The following GLRA3 variants were observed in gnomAD, a reference collection of about 807,000 sequenced individuals.
GLRA3 encodes the protein glycine receptor alpha 3.
In GLRA3, 44 loss-of-function variants were observed where a neutral mutation model predicts 60.4. That is an observed-to-expected ratio of 0.73 (90% CI 0.57 to 0.94). The LOEUF is 0.94. Among genes scored for constraint, GLRA3 ranks in the 40% least tolerant of loss-of-function variants. GLRA3 has a pLI of 0.00. For synonymous variants in GLRA3, 223 were observed against 192.9 expected (o/e 1.16, Z -1.29); for missense variants, 508 against 564.6 (o/e 0.90, Z 1.02).
At chr4:174,824,985 G>A (rs1333142519) in intron 1 of GLRA3, among the ~76,000 whole-genome samples, 1 of 152,044 alleles carries the variant, frequency 6.6e-6, no homozygotes, top group Non-Finnish European at 1.5e-5. Context: ...ACTTGCCTCA[G>A]TACACAGTTG....
chr4:174,763,128 A>C (rs1561102456), intron 3 of GLRA3, among the ~76,000 whole-genome samples: 3 of 152,192 alleles, frequency 2.0e-5, no homozygotes, highest in Non-Finnish European at 4.4e-5. Context: ...GGGTTATTAC[A>C]GTCATACCCA....
Position 174,642,298 on chromosome 4 carries a change from G to A in GLRA3, c.*1488C>T. The A allele has an allele frequency of 1.0e-6, 1 of 956,436 alleles. No homozygotes were observed. Among genetic ancestry groups the A allele is most frequent in the Non-Finnish European group, 1.2e-6 (1 of 804,938 alleles). 59.2% of individuals were successfully genotyped at this position (956,436 alleles called of 1,614,324 possible). A position where few individuals can be genotyped will look rare whatever the true frequency, so the allele number is the denominator to read the frequency against. On this transcript the variant is annotated 3_prime_UTR_variant, in exon 10 of 10. Coordinates refer to ENST00000274093, the MANE Select transcript of GLRA3 (RefSeq NM_006529.4). ...AAAATAGCATCTTGTTAAAGAACTG[G>A]CTTTTCTATTGTACATCTGAGTTCA...
chr4:174,773,648 G>A (rs532455782), intron 2 of GLRA3, among the ~76,000 whole-genome samples: 15 of 152,078 alleles, frequency 9.9e-5, no homozygotes, highest in African/African-American at 2.7e-4. Flanking sequence ...AAGGAGAGAC[G>A]TTATTTTATT....
chr4:174,816,486 G>A (rs549092574), intron 1 of GLRA3, among the ~76,000 whole-genome samples: 7 of 152,192 alleles, frequency 4.6e-5, no homozygotes, highest in East Asian at 3.9e-4. Context: ...CTTAACTCAC[G>A]ATACTTGTCC....
At chr4:174,780,172 G>T in intron 2 of GLRA3, among the ~76,000 whole-genome samples, 1 of 144,852 alleles carries the variant, frequency 6.9e-6, no homozygotes, top group Non-Finnish European at 1.5e-5. Flanking sequence ...CATTCTTAAA[G>T]AAAAGAATTT....
At chr4:174,783,301 C>T (rs558050649) in intron 2 of GLRA3, among the ~76,000 whole-genome samples, 1 of 139,960 alleles carries the variant, frequency 7.1e-6, no homozygotes, top group African/African-American at 2.6e-5. Context: ...TTCCTTACAC[C>T]TTATACAAAA....
At chr4:174,804,903 T>C (rs1459879901) in intron 1 of GLRA3, among the ~76,000 whole-genome samples, 2 of 152,196 alleles carry the variant, frequency 1.3e-5, no homozygotes, top group Non-Finnish European at 2.9e-5. Flanking sequence ...ATCTTTATTA[T>C]GCAGATGGCT....
At chr4:174,710,051 A>T (rs1579486305) in intron 5 of GLRA3, among the ~76,000 whole-genome samples, 1 of 151,836 alleles carries the variant, frequency 6.6e-6, no homozygotes, top group Admixed American at 6.6e-5. Context: ...TCTAGGAAAC[A>T]TATTGTTAAA....
intron 1 of GLRA3, among the ~76,000 whole-genome samples, chr4:174,818,878 A>G (rs947315811): frequency 4.6e-5 from 7 of 152,202 alleles, no homozygotes; most frequent in African/African-American, 1.7e-4. Flanking sequence ...TGATTTAATA[A>G]TGTGGAAAAT....
chr4:174,724,663 C>CT (rs1455569957), intron 4 of GLRA3, among the ~76,000 whole-genome samples: 4 of 151,684 alleles, frequency 2.6e-5, no homozygotes, highest in African/African-American at 7.3e-5. Flanking sequence ...TTATCATTTT[C>CT]TTTTTTTTAG....
intron 9 of GLRA3, among the ~76,000 whole-genome samples, chr4:174,648,134 CTT>C (rs1320982227): frequency 2.6e-5 from 4 of 152,146 alleles, no homozygotes; most frequent in Non-Finnish European, 4.4e-5. Context: ...GTCAATGACT[CTT>C]TTGGAGTAGG....
chr4:174,669,456 C>T (rs1452822745), intron 7 of GLRA3, among the ~76,000 whole-genome samples: 1 of 152,084 alleles, frequency 6.6e-6, no homozygotes, highest in African/African-American at 2.4e-5. Flanking sequence ...CATTTATTAT[C>T]CTGGAGGGTG....
At chr4:174,762,589 A>G (rs1433023064) in intron 3 of GLRA3, among the ~76,000 whole-genome samples, 2 of 152,188 alleles carry the variant, frequency 1.3e-5, no homozygotes, top group Non-Finnish European at 2.9e-5. Flanking sequence ...TTCTGATGAA[A>G]AATAAAAGCT....
At chr4:174,673,948 A>G (rs970311884) in intron 7 of GLRA3, among the ~76,000 whole-genome samples, 1 of 152,138 alleles carries the variant, frequency 6.6e-6, no homozygotes, top group Non-Finnish European at 1.5e-5. Context: ...TTCAATTCAT[A>G]AGCAAATCCT....
In GLRA3 at chr4:174,804,515, T is replaced by C. The variant is rs139630554; in HGVS notation, c.72-15572A>G. 4.0e-3 allele frequency among the ~76,000 whole-genome samples: 612 copies of C among 152,102 alleles called. 7 individuals are homozygous for C. The highest frequency in any genetic ancestry group is 0.014 in the African/African-American group (583 of 41,482). Reference sequence around the variant, plus strand: ...GAAGAGTGGAACAACCTAAGAGACATATAATTAATAAAATCCACAGAATTT... The same window carrying C: ...GAAGAGTGGAACAACCTAAGAGACACATAATTAATAAAATCCACAGAATTT... On this transcript the variant is annotated intron_variant, in intron 1 of 9. Coordinates refer to ENST00000274093, the MANE Select transcript of GLRA3 (RefSeq NM_006529.4).
intron 4 of GLRA3, among the ~76,000 whole-genome samples, chr4:174,725,790 T>C (rs1359747996): frequency 6.6e-6 from 1 of 152,236 alleles, no homozygotes; most frequent in African/African-American, 2.4e-5. Context: ...GCCTCATCTT[T>C]GTCATTTGGA....
At chr4:174,660,126 A>G (rs1330185431) in intron 7 of GLRA3, among the ~76,000 whole-genome samples, 1 of 152,118 alleles carries the variant, frequency 6.6e-6, no homozygotes, top group Non-Finnish European at 1.5e-5. Context: ...ACAACACCAT[A>G]CACTCAACAA....
At chr4:174,715,775 T>C (rs912408691) in intron 4 of GLRA3, among the ~76,000 whole-genome samples, 3 of 152,200 alleles carry the variant, frequency 2.0e-5, no homozygotes, top group African/African-American at 7.2e-5. Flanking sequence ...GATAATTGCA[T>C]ATCTTAGGCT....
At chr4:174,685,115 G>C (rs1183909841) in intron 5 of GLRA3, among the ~76,000 whole-genome samples, 1 of 152,214 alleles carries the variant, frequency 6.6e-6, no homozygotes, top group African/African-American at 2.4e-5. Context: ...AAACAAGCTT[G>C]TATTGTAGAG....
Sources: gnomAD v4.1 joint callset for allele counts (sites outside exome capture counted in the v4.1 genomes callset) on GRCh38, gnomAD v4.1.1 for gene constraint, MANE v1.5 for transcripts, NCBI Gene and HGNC (gene_info 2026-07-23, HGNC 2026-07-21) for gene names.